The following NEO1 variants were observed in gnomAD, a reference collection of about 807,000 sequenced individuals.
NEO1 encodes neogenin 1, also known as neogenin.
Under a neutral mutation model 159.7 loss-of-function variants are expected in NEO1, and 63 were observed. That is an observed-to-expected ratio of 0.39 (90% CI 0.32 to 0.49). The LOEUF is 0.49. NEO1 is among the 20% of genes least tolerant of loss of function. The pLI, the probability that NEO1 is intolerant of heterozygous loss-of-function variation, is 0.85. For missense variants in NEO1, 1,615 were observed against 1,831.0 expected, an observed-to-expected ratio of 0.88 and a Z score of 2.15; for synonymous variants, 633 against 662.0, an observed-to-expected ratio of 0.96 and a Z score of 0.67.
rs567508814 is a variant in NEO1, at chr15:73,109,125, G to A, written c.131-7415G>A. Among the ~76,000 whole-genome samples the A allele has an allele frequency of 5.9e-5, 9 of 152,266 alleles. No homozygotes were observed. The South Asian group carries it at 8.3e-4, about 14-fold the overall frequency. On this transcript the variant is annotated intron_variant, in intron 1 of 28. Transcript: ENST00000261908. ...ACACATAACAGTTGTCAAAATATGC[G>A]TAGAAGTACAGTCCATATTATTTTA... is the stretch of plus-strand genomic sequence containing the variant.
Position 73,254,750 on chromosome 15 carries a change from T to A in NEO1, c.2013T>A (p.Ile671=). Residue 671 remains isoleucine (I), a synonymous_variant, in exon 13 of 29, where the codon ATT becomes ATA. Coordinates refer to ENST00000261908, the MANE Select transcript of NEO1 (RefSeq NM_002499.4). The stretch of plus-strand genomic sequence containing the variant: ...ATGGGCAGATTACTGGCTACAAGAT[T>A]CGCTACCGAAAGGCCTCCCGAAAGA... The part of the protein sequence containing the change: ...TQNGQITGYK[I]RYRKASRKSD... The A allele has an allele frequency of 5.0e-6, 8 of 1,614,150 alleles. No individual in the cohort carries two copies. Among genetic ancestry groups the A allele is most frequent in the Non-Finnish European group, 6.8e-6 (8 of 1,180,006 alleles).
intron 7 of NEO1, among the ~76,000 whole-genome samples, chr15:73,225,168 T>A (rs2038506281): frequency 6.6e-6 from 1 of 152,168 alleles, no homozygotes; most frequent in African/African-American, 2.4e-5. Context: ...TCTATGGGTT[T>A]CTCAGCTGCG....
At chr15:73,280,546 A>G (rs1324843522) in intron 22 of NEO1, among the ~76,000 whole-genome samples, 1 of 152,132 alleles carries the variant, frequency 6.6e-6, no homozygotes, top group Non-Finnish European at 1.5e-5. Context: ...CTGCCCTGCC[A>G]AGTACCCAAC....
chr15:73,158,580 C>T (rs1436314428), intron 5 of NEO1, among the ~76,000 whole-genome samples: 2 of 151,804 alleles, frequency 1.3e-5, no homozygotes, highest in South Asian at 2.1e-4. Context: ...GTAGAGATGG[C>T]GATCTCACTT....
At chr15:73,193,212 C>T (rs954967084) in intron 7 of NEO1, among the ~76,000 whole-genome samples, 2 of 151,878 alleles carry the variant, frequency 1.3e-5, no homozygotes, top group African/African-American at 4.8e-5. Context: ...ATGTTGAGTA[C>T]ATGTGCTGTG....
At chr15:73,273,722 CATATG>C in intron 19 of NEO1, 84 bp from the exon 20 acceptor site, 2 of 864,874 alleles carry the variant, frequency 2.3e-6, no homozygotes, top group Non-Finnish European at 3.6e-6. Flanking sequence ...CTATAATATT[CATATG>C]ATATAATAGG....
intron 1 of NEO1, among the ~76,000 whole-genome samples, chr15:73,107,519 T>C (rs1340642331): frequency 6.6e-6 from 1 of 152,216 alleles, no homozygotes; most frequent in East Asian, 1.9e-4. Context: ...AGAATACTAG[T>C]ATCATTGCCC....
intron 1 of NEO1, among the ~76,000 whole-genome samples, chr15:73,082,090 T>C (rs2069086868): frequency 6.6e-6 from 1 of 152,034 alleles, no homozygotes; most frequent in African/African-American, 2.4e-5. Flanking sequence ...GCCGGACTGG[T>C]CTCGAGCTCC....
At chr15:73,186,752 T>C (rs2035954626) in intron 7 of NEO1, among the ~76,000 whole-genome samples, 1 of 151,382 alleles carries the variant, frequency 6.6e-6, no homozygotes, top group African/African-American at 2.4e-5. Flanking sequence ...GATGGGGAGG[T>C]GAGGGGAATA....
chr15:73,144,887 T>C (rs1400450587), intron 5 of NEO1, among the ~76,000 whole-genome samples: 1 of 152,188 alleles, frequency 6.6e-6, no homozygotes, highest in Non-Finnish European at 1.5e-5. Flanking sequence ...TTATTTTTTT[T>C]CCACATTCAG....
chr15:73,261,607 A>G (rs879855253), intron 15 of NEO1, among the ~76,000 whole-genome samples: 2 of 152,192 alleles, frequency 1.3e-5, no homozygotes, highest in Non-Finnish European at 2.9e-5. Flanking sequence ...ATAGGAGCAG[A>G]CTTATAAAAT....
intron 7 of NEO1, among the ~76,000 whole-genome samples, chr15:73,205,372 A>G (rs1452516315): frequency 6.6e-6 from 1 of 152,182 alleles, no homozygotes; most frequent in Admixed American, 6.5e-5. Context: ...GGAACAAGGA[A>G]TTTCTTTCCT....
At chr15:73,232,207 TTTTG>T (rs1221273597) in intron 7 of NEO1, among the ~76,000 whole-genome samples, 1 of 152,200 alleles carries the variant, frequency 6.6e-6, no homozygotes, top group Non-Finnish European at 1.5e-5. Flanking sequence ...GTTTTTCTTG[TTTTG>T]TTTGTTTAAT....
intron 1 of NEO1, among the ~76,000 whole-genome samples, chr15:73,059,024 T>C (rs1478653401): frequency 1.3e-5 from 2 of 152,198 alleles, no homozygotes; most frequent in Non-Finnish European, 2.9e-5. Flanking sequence ...CAAATGATTG[T>C]ATATGATTTT....
chr15:73,233,821 T>TAG (rs1328598066), intron 7 of NEO1, among the ~76,000 whole-genome samples: 1 of 152,178 alleles, frequency 6.6e-6, no homozygotes, highest in African/African-American at 2.4e-5. Flanking sequence ...AAGCTAGTCA[T>TAG]AGTAAATAAC....
intron 22 of NEO1, among the ~76,000 whole-genome samples, chr15:73,279,504 A>G (rs1479403926): frequency 6.6e-6 from 1 of 151,430 alleles, no homozygotes; most frequent in East Asian, 1.9e-4. Context: ...GCCTGCCACC[A>G]CGCCCAGCTA....
intron 7 of NEO1, among the ~76,000 whole-genome samples, chr15:73,221,474 A>T (rs1480124501): frequency 2.0e-5 from 3 of 152,218 alleles, no homozygotes; most frequent in Non-Finnish European, 4.4e-5. Flanking sequence ...AGACAGGGAC[A>T]TTTAAGTCTG....
intron 22 of NEO1, among the ~76,000 whole-genome samples, chr15:73,280,927 C>A (rs1056601430): frequency 6.6e-6 from 1 of 151,814 alleles, no homozygotes. Context: ...AAATTTGGGC[C>A]GGGCGCAGTG....
chr15:73,274,041 C>G, intron 20 of NEO1, 36 bp downstream of exon 20: 2 of 1,588,908 alleles, frequency 1.3e-6, no homozygotes, highest in Middle Eastern at 1.7e-4. Context: ...TGTTGTGTGT[C>G]TCTTTAGTGG....
Sources: allele counts gnomAD v4.1 joint callset (sites outside exome capture counted in the v4.1 genomes callset), GRCh38; gene constraint gnomAD v4.1.1; transcripts MANE v1.5; gene names NCBI Gene and HGNC (gene_info 2026-07-23, HGNC 2026-07-21).